NECTIN1: variants seen among roughly 807,000 people sequenced by gnomAD.
The protein encoded by NECTIN1 is nectin cell adhesion molecule 1.
NECTIN1 carries 23 observed loss-of-function variants against 48.0 expected under a neutral mutation model. That is an observed-to-expected ratio of 0.48 (90% CI 0.34 to 0.68). The LOEUF (loss-of-function observed/expected upper bound fraction) is 0.68, where lower values mean the gene tolerates loss of function less well. NECTIN1 is among the 30% of genes least tolerant of loss of function. NECTIN1 has a pLI of 0.01. For synonymous variants in NECTIN1, 270 were observed against 288.9 expected (o/e 0.93, Z 0.66); for missense variants, 591 against 709.9 (o/e 0.83, Z 1.90).
chr11:119,701,615 C>T (rs1776833649), intron 1 of NECTIN1, among the ~76,000 whole-genome samples: 1 of 152,078 alleles, frequency 6.6e-6, no homozygotes, highest in African/African-American at 2.4e-5. Flanking sequence ...AACCTGGCCT[C>T]TCCCAGACTC....
At position 119,672,493 on chromosome 11, in the gene NECTIN1, T is replaced by C. The variant is rs1591454060; in HGVS notation, c.1003+2666A>G. ...TGCCCACGGAAGCACACACAGATTC[T>C]GTCCGGTCCATCTCCTCGGTGCCCC... On this transcript the variant is annotated intron_variant, in intron 5 of 5. Transcript: ENST00000264025. The surrounding 1 kb of genome is among the most constrained non-coding windows in gnomAD (Gnocchi z 4.3). Among the ~76,000 whole-genome samples the C allele has an allele frequency of 1.3e-5, 2 of 152,316 alleles. No individual in the cohort carries two copies. Among genetic ancestry groups the C allele is most frequent in the Middle Eastern group, 6.8e-3 (2 of 294 alleles).
At chr11:119,693,143 C>T (rs1865288964) in intron 1 of NECTIN1, among the ~76,000 whole-genome samples, 2 of 152,204 alleles carry the variant, frequency 1.3e-5, no homozygotes, top group Admixed American at 1.3e-4. Flanking sequence ...CCCATTCTTC[C>T]CCTGTTCCTC....
chr11:119,658,288 G>A (rs1240486460), downstream of NECTIN1, among the ~76,000 whole-genome samples: 2 of 152,134 alleles, frequency 1.3e-5, no homozygotes, highest in African/African-American at 2.4e-5. Flanking sequence ...TGACTGCAGC[G>A]CCTCATCTGG....
chr11:119,686,231 A>C (rs1295283748), intron 1 of NECTIN1, among the ~76,000 whole-genome samples: 2 of 151,952 alleles, frequency 1.3e-5, no homozygotes, highest in African/African-American at 4.8e-5. Context: ...GCCCTCTCTC[A>C]CTAGTGCACA....
chr11:119,701,170 A>T (rs1865445344), intron 1 of NECTIN1, among the ~76,000 whole-genome samples: 1 of 152,174 alleles, frequency 6.6e-6, no homozygotes, highest in African/African-American at 2.4e-5. Context: ...CAGCTGTGTC[A>T]TCTGTGAAAT....
chr11:119,648,271 G>GTGATGC (rs1565376394), intron 5 of NECTIN1, among the ~76,000 whole-genome samples: 11 of 19,644 alleles, frequency 5.6e-4, no homozygotes, highest in African/African-American at 1.9e-3. Flanking sequence ...AATAGTGGTG[G>GTGATGC]TGGTGATGGT....
chr11:119,654,547 TGC>T (rs10577486), intron 5 of NECTIN1, among the ~76,000 whole-genome samples: 104,628 of 150,222 alleles, frequency 0.7, 36,495 homozygotes, highest in Admixed American at 0.75. Context: ...AATGTGTGTG[TGC>T]GTGTGTGTGT....
chr11:119,664,799 A>G lies in NECTIN1; in HGVS notation c.1502T>C (p.Met501Thr). ...DPEQLDLAEN[M>T]VSQNDGSFIS... The stretch of plus-strand genomic sequence containing the variant: ...GAAAGACCCGTCGTTCTGAGAAACC[A>G]TGTTCTCAGCCAAGTCCAGCTGCTC... The change falls in exon 6 of 6, where the codon ATG (methionine) becomes ACG (threonine). Residue 501 changes from methionine (M) to threonine (T), a missense_variant. Met to Thr is a moderately conservative substitution (Grantham distance 81). Coordinates refer to ENST00000264025, the MANE Select transcript of NECTIN1 (RefSeq NM_002855.5). 1.2e-6 allele frequency: 2 copies of G among 1,613,462 alleles called. No individual in the cohort carries two copies. The highest frequency in any genetic ancestry group is 8.5e-7 in the Non-Finnish European group (1 of 1,179,652).
At chr11:119,671,489 G>A (rs1474446571) in intron 5 of NECTIN1, among the ~76,000 whole-genome samples, 1 of 152,130 alleles carries the variant, frequency 6.6e-6, no homozygotes, top group Admixed American at 6.5e-5. Flanking sequence ...GGCTGGTGCT[G>A]GGGGCTTTGG....
chr11:119,691,538 G>T (rs943907406), intron 1 of NECTIN1, among the ~76,000 whole-genome samples: 1 of 152,234 alleles, frequency 6.6e-6, no homozygotes, highest in Admixed American at 6.5e-5. Flanking sequence ...CTCTTGCCCC[G>T]CTACAGCAGG....
At chr11:119,704,107 T>C (rs2135573318) in intron 1 of NECTIN1, among the ~76,000 whole-genome samples, 1 of 152,226 alleles carries the variant, frequency 6.6e-6, no homozygotes, top group South Asian at 2.1e-4. Flanking sequence ...TCACCCAAGG[T>C]CACACAGCTG....
rs993819055 is a variant in NECTIN1, at chr11:119,677,792, T to C, written c.496A>G (p.Lys166Glu). The C allele has an allele frequency of 1.2e-6, 2 of 1,613,994 alleles. No homozygotes were observed. The highest frequency in any genetic ancestry group is 1.3e-5 in the African/African-American group (1 of 74,902). ...GAGGTGCAGGTGGCCACCAGGACCT[T>C]GTCATCCTGCCCCTTCTTGGCTCGA... ...VLRAKKGQDDKVLVATCTSAN... is the reference protein window; with the variant it reads ...VLRAKKGQDDEVLVATCTSAN... The change falls in exon 3 of 6, where the codon AAG becomes GAG. Residue 166 changes from lysine (K) to glutamate (E), a missense_variant. Transcript: ENST00000264025. The surrounding 1 kb of genome is among the most constrained non-coding windows in gnomAD (Gnocchi z 5.4).
At chr11:119,693,583 GAAGCCCA>G (rs1246708140) in intron 1 of NECTIN1, among the ~76,000 whole-genome samples, 1 of 152,152 alleles carries the variant, frequency 6.6e-6, no homozygotes, top group Non-Finnish European at 1.5e-5. Context: ...TGACCACCAT[GAAGCCCA>G]GGAAGTGGCA....
At chr11:119,685,319 C>T (rs1865137078) in intron 1 of NECTIN1, among the ~76,000 whole-genome samples, 1 of 152,240 alleles carries the variant, frequency 6.6e-6, no homozygotes, top group African/African-American at 2.4e-5. Flanking sequence ...TAATGATGGG[C>T]TGTGGAGCTG....
Position 119,677,649 on chromosome 11 carries a change from C to T in NECTIN1, c.639G>A (p.Leu213=), listed in dbSNP as rs1864979714. The T allele has an allele frequency of 6.2e-7, 1 of 1,614,076 alleles. No individual in the cohort carries two copies. The highest frequency in any genetic ancestry group is 8.5e-7 in the Non-Finnish European group (1 of 1,180,032). ...GCTGGTGGGCTTCCCTGCTGGGCAC[C>T]AGGCGGTAGCGGCTGATGACCGTCA... is the stretch of plus-strand genomic sequence containing the variant. The part of the protein sequence containing the change: ...GTVTVISRYR[L]VPSREAHQQS... Residue 213 remains leucine, a synonymous_variant, in exon 3 of 6, where the codon CTG becomes CTA. Transcript: ENST00000264025. The surrounding 1 kb of genome is among the most constrained non-coding windows in gnomAD (Gnocchi z 5.4).
chr11:119,693,029 C>T (rs887880892), intron 1 of NECTIN1, among the ~76,000 whole-genome samples: 8 of 152,286 alleles, frequency 5.3e-5, no homozygotes, highest in East Asian at 1.9e-4. Context: ...CTTCGTTCTG[C>T]GGGAGGCTGA....
intron 1 of NECTIN1, among the ~76,000 whole-genome samples, chr11:119,704,825 G>C (rs897207389): frequency 4.6e-5 from 7 of 152,210 alleles, no homozygotes; most frequent in African/African-American, 1.7e-4. Context: ...GACTGCGCAC[G>C]CCAGGGAGGG....
At chr11:119,652,944 T>C (rs1864514206) in intron 5 of NECTIN1, among the ~76,000 whole-genome samples, 1 of 152,192 alleles carries the variant, frequency 6.6e-6, no homozygotes, top group African/African-American at 2.4e-5. Flanking sequence ...GGGATAATAA[T>C]ACACAGCAAT....
rs1383247415 is a variant in NECTIN1, at chr11:119,728,989, AGGGTGGCGGGACGCACCC to A, written c.-454_-437del. 1 of 150,748 alleles carries A rather than the reference AGGGTGGCGGGACGCACCC, an allele frequency of 6.6e-6. No individual in the cohort carries two copies. The highest frequency in any genetic ancestry group is 1.5e-5 in the Non-Finnish European group (1 of 67,702). The allele number at this position is 150,748 out of a possible 1,614,324, so 9.3% of individuals were successfully genotyped here. A position where few individuals can be genotyped will look rare whatever the true frequency, so the allele number is the denominator to read the frequency against. On this transcript the variant is annotated 5_prime_UTR_variant, in exon 1 of 6. Transcript: ENST00000264025. The stretch of plus-strand genomic sequence containing the variant: ...GGCGTCCATGGCCGGCCGTCCTCCG[AGGGTGGCGGGACGCACCC>A]GGGCGGCGCAGAAGGCTCGGGGCCC...
Sources: allele counts gnomAD v4.1 joint callset (sites outside exome capture counted in the v4.1 genomes callset), GRCh38; gene constraint gnomAD v4.1.1; non-coding constraint Gnocchi (gnomAD v3.1); transcripts MANE v1.5; gene names NCBI Gene and HGNC (gene_info 2026-07-23, HGNC 2026-07-21).